Variants in FLT3 observed in about 807,000 individuals in gnomAD.
The protein encoded by FLT3 is fms related receptor tyrosine kinase 3, also known as receptor-type tyrosine-protein kinase FLT3.
A neutral mutation model predicts 126.6 loss-of-function variants in FLT3; 46 were observed. That is an observed-to-expected ratio of 0.36 (90% CI 0.29 to 0.46). The LOEUF is 0.46. FLT3 is among the 20% of genes least tolerant of loss of function. The pLI is 1.00. For missense variants in FLT3, 1,069 were observed against 1,190.3 expected, an observed-to-expected ratio of 0.90 and a Z score of 1.50; for synonymous variants, 404 against 434.4, an observed-to-expected ratio of 0.93 and a Z score of 0.87.
chr13:28,039,464 G>A (rs1201631158), intron 9 of FLT3, among the ~76,000 whole-genome samples: 1 of 151,764 alleles, frequency 6.6e-6, no homozygotes, highest in African/African-American at 2.4e-5. Flanking sequence ...GCCTCCCAAA[G>A]TGCCGGGATG....
At chr13:28,072,937 G>A (rs769284667) in intron 1 of FLT3, among the ~76,000 whole-genome samples, 19 of 152,000 alleles carry the variant, frequency 1.3e-4, no homozygotes, top group Non-Finnish European at 1.8e-4. Context: ...CCCGGGAGGC[G>A]GAGCTTGCAG....
chr13:28,014,187 G>T (rs1427732067), intron 23 of FLT3, among the ~76,000 whole-genome samples: 1 of 152,058 alleles, frequency 6.6e-6, no homozygotes, highest in Non-Finnish European at 1.5e-5. Flanking sequence ...CTGGAGGATT[G>T]CTTGAGCTTG....
intron 19 of FLT3, among the ~76,000 whole-genome samples, chr13:28,020,612 C>A (rs550546646): frequency 6.6e-6 from 1 of 152,266 alleles, no homozygotes; most frequent in East Asian, 1.9e-4. Flanking sequence ...TCCCAAAGTG[C>A]TGGGACTACA....
chr13:28,031,701 A>G (rs1302404898), intron 15 of FLT3, among the ~76,000 whole-genome samples: 1 of 152,174 alleles, frequency 6.6e-6, no homozygotes, highest in Non-Finnish European at 1.5e-5. Flanking sequence ...GGGAAGCAGA[A>G]GGATCCACTT....
rs111765559 is a variant in FLT3, at chr13:28,093,885, C to T, written c.43+6583G>A. Reference sequence around the variant, plus strand: ...TAACACAGGTCCTAGACATAGACGGCGCTCAAAAACATCTGTGGAAGGAGG... The same window carrying T: ...TAACACAGGTCCTAGACATAGACGGTGCTCAAAAACATCTGTGGAAGGAGG... On this transcript the variant is annotated intron_variant, in intron 1 of 23. Transcript: ENST00000241453. Among the ~76,000 whole-genome samples the T allele has an allele frequency of 3.3e-3, 498 of 151,752 alleles. 10 individuals carry two copies. In the East Asian group the frequency reaches 0.045, roughly 14 times the overall value.
chr13:28,037,714 GC>G (rs1395152326), intron 9 of FLT3, among the ~76,000 whole-genome samples: 1 of 152,100 alleles, frequency 6.6e-6, no homozygotes, highest in Non-Finnish European at 1.5e-5. Context: ...GAGGTCCCCA[GC>G]CCCCCAGCCT....
intron 5 of FLT3, among the ~76,000 whole-genome samples, chr13:28,051,289 T>G (rs893527051): frequency 6.6e-6 from 1 of 152,026 alleles, no homozygotes; most frequent in African/African-American, 2.4e-5. Flanking sequence ...CAGGCTGGAG[T>G]GCAATGGCGC....
At chr13:28,030,471 G>A (rs1339015414) in intron 15 of FLT3, among the ~76,000 whole-genome samples, 1 of 152,166 alleles carries the variant, frequency 6.6e-6, no homozygotes, top group Admixed American at 6.5e-5. Flanking sequence ...ACTGGGGAAT[G>A]AAGGAAAAAC....
intron 2 of FLT3, among the ~76,000 whole-genome samples, chr13:28,062,307 G>A (rs1593277185): frequency 2.0e-5 from 3 of 152,072 alleles, no homozygotes; most frequent in Non-Finnish European, 4.4e-5. Flanking sequence ...CTGTCATGGC[G>A]TGTGTCCCCC....
intron 8 of FLT3, among the ~76,000 whole-genome samples, chr13:28,048,918 T>C (rs1463691301): frequency 6.6e-6 from 1 of 152,222 alleles, no homozygotes; most frequent in African/African-American, 2.4e-5. Flanking sequence ...TATTGAACTG[T>C]GGTTATTTTC....
intron 3 of FLT3, among the ~76,000 whole-genome samples, chr13:28,060,666 C>T (rs7992014): frequency 2.0e-5 from 3 of 151,880 alleles, no homozygotes; most frequent in Non-Finnish European, 2.9e-5. Context: ...AGTGCAGTGG[C>T]GTGACATCGG....
intron 10 of FLT3, among the ~76,000 whole-genome samples, chr13:28,036,909 G>A (rs1289479571): frequency 6.6e-6 from 1 of 152,222 alleles, no homozygotes; most frequent in East Asian, 1.9e-4. Flanking sequence ...CCAGGAGTTT[G>A]AAGCTACAGG....
At chr13:28,005,531 A>AT (rs995892672) in intron 23 of FLT3, among the ~76,000 whole-genome samples, 9 of 151,190 alleles carry the variant, frequency 6.0e-5, no homozygotes, top group African/African-American at 1.7e-4. Context: ...ATGGCCACAT[A>AT]TTTTTTTTTC....
At chr13:28,026,487 G>A (rs191229186) in intron 17 of FLT3, among the ~76,000 whole-genome samples, 18 of 152,186 alleles carry the variant, frequency 1.2e-4, no homozygotes, top group South Asian at 6.2e-4. Flanking sequence ...TCAAGGATGA[G>A]GAGGAGATCC....
intron 15 of FLT3, among the ~76,000 whole-genome samples, chr13:28,031,811 G>C (rs973255719): frequency 2.0e-5 from 3 of 152,188 alleles, no homozygotes; most frequent in Admixed American, 2.0e-4. Context: ...AGGCAGCGGT[G>C]GCCCAGCCAT....
chr13:28,067,967 G>GTC, intron 2 of FLT3: 3 of 313,656 alleles, frequency 9.6e-6, no homozygotes, highest in Non-Finnish European at 1.3e-5. Flanking sequence ...GTCAACTCCA[G>GTC]TAACTTCAGT....
intron 15 of FLT3, among the ~76,000 whole-genome samples, chr13:28,028,768 T>TC (rs1215312846): frequency 1.6e-5 from 2 of 126,206 alleles, no homozygotes; most frequent in Non-Finnish European, 3.2e-5. Flanking sequence ...TTTTTCTTTT[T>TC]TTTTTTTCCT....
chr13:28,030,384 G>A (rs903341194), intron 15 of FLT3, among the ~76,000 whole-genome samples: 1 of 152,038 alleles, frequency 6.6e-6, no homozygotes, highest in Non-Finnish European at 1.5e-5. Context: ...GCATTTTCAT[G>A]TACCATTACC....
chr13:28,093,528 T>C (rs897032667), intron 1 of FLT3, among the ~76,000 whole-genome samples: 1 of 152,210 alleles, frequency 6.6e-6, no homozygotes, highest in Non-Finnish European at 1.5e-5. Flanking sequence ...AAATGATAGT[T>C]ACTCTAATCC....
Sources: allele counts gnomAD v4.1 joint callset (sites outside exome capture counted in the v4.1 genomes callset), GRCh38; gene constraint gnomAD v4.1.1; transcripts MANE v1.5; gene names NCBI Gene and HGNC (gene_info 2026-07-23, HGNC 2026-07-21).